Variants in ME1 observed in about 807,000 individuals in gnomAD.
ME1 encodes the protein NADP-dependent malic enzyme.
ME1 carries 74 observed loss-of-function variants against 66.4 expected under a neutral mutation model. The ratio of observed to expected loss-of-function variants is 1.11; its 90% CI spans 0.92 to 1.35. ME1 has a LOEUF of 1.35. ME1 is among the 40% of genes most tolerant of loss of function. The pLI, the probability that ME1 is intolerant of heterozygous loss-of-function variation, is 0.00. For missense variants in ME1, 750 were observed against 694.1 expected, an observed-to-expected ratio of 1.08 and a Z score of -0.90; for synonymous variants, 251 against 235.6, an observed-to-expected ratio of 1.07 and a Z score of -0.60.
intron 5 of ME1, among the ~76,000 whole-genome samples, 160 bp from the exon 6 acceptor site, chr6:83,315,573 A>G (rs1441658764): frequency 6.6e-6 from 1 of 152,254 alleles, no homozygotes. Context: ...GTTACATAGA[A>G]TATACCTGTA....
chr6:83,370,004 G>C (rs1333447581), intron 3 of ME1, among the ~76,000 whole-genome samples: 1 of 151,950 alleles, frequency 6.6e-6, no homozygotes, highest in African/African-American at 2.4e-5. Flanking sequence ...GATATGAAGA[G>C]AAAAAGATAA....
chr6:83,397,778 A>G (rs1267170097), intron 3 of ME1, among the ~76,000 whole-genome samples: 1 of 152,230 alleles, frequency 6.6e-6, no homozygotes, highest in East Asian at 1.9e-4. Context: ...ACACATACAC[A>G]CTAGGATACC....
In ME1 at chr6:83,212,105, G is replaced by T. The variant is rs1789901489; in HGVS notation, c.1549-11C>A. 2 of 1,570,134 alleles carry T rather than the reference G, an allele frequency of 1.3e-6. No homozygotes were observed. The highest frequency in any genetic ancestry group is 1.8e-5 in the Admixed American group (1 of 56,898). Reference sequence around the variant, plus strand: ...TGCATCTTTCACAATCTAGATATAAGAAAAGAATATTAATTATTTTAATAA... The same window carrying T: ...TGCATCTTTCACAATCTAGATATAATAAAAGAATATTAATTATTTTAATAA... On this transcript the variant is annotated splice_polypyrimidine_tract_variant and intron_variant, in intron 13 of 13. Coordinates refer to ENST00000369705, the MANE Select transcript of ME1 (RefSeq NM_002395.6).
intron 1 of ME1, among the ~76,000 whole-genome samples, chr6:83,409,886 A>G (rs1770014500): frequency 6.6e-6 from 1 of 152,198 alleles, no homozygotes; most frequent in Non-Finnish European, 1.5e-5. Flanking sequence ...CTGAAGTTCA[A>G]TTTGTGTGGA....
chr6:83,383,020 C>T (rs192610902), intron 3 of ME1, among the ~76,000 whole-genome samples: 2 of 151,820 alleles, frequency 1.3e-5, no homozygotes, highest in African/African-American at 4.8e-5. Flanking sequence ...TGACCTCCCC[C>T]GAAAAAGAGG....
chr6:83,419,806 G>A (rs1005196908), intron 1 of ME1, among the ~76,000 whole-genome samples: 3 of 152,048 alleles, frequency 2.0e-5, no homozygotes, highest in Non-Finnish European at 2.9e-5. Context: ...AATTGCCTAC[G>A]ACAACATCTA....
At chr6:83,301,221 A>C (rs1360429559) in intron 6 of ME1, among the ~76,000 whole-genome samples, 1 of 151,838 alleles carries the variant, frequency 6.6e-6, no homozygotes, top group African/African-American at 2.4e-5. Flanking sequence ...GGCAAAGGAA[A>C]ACAAATGTCC....
At chr6:83,322,447 A>C (rs1387753043) in intron 5 of ME1, among the ~76,000 whole-genome samples, 2 of 152,164 alleles carry the variant, frequency 1.3e-5, no homozygotes, top group Non-Finnish European at 2.9e-5. Flanking sequence ...TAACCAGATT[A>C]GAGAAGAACA....
intron 3 of ME1, among the ~76,000 whole-genome samples, chr6:83,369,611 C>A (rs1159639619): frequency 1.3e-5 from 2 of 149,236 alleles, no homozygotes; most frequent in South Asian, 4.2e-4. Flanking sequence ...GGGCAACAGA[C>A]AGTGACCTTG....
intron 6 of ME1, among the ~76,000 whole-genome samples, chr6:83,272,415 T>C (rs1258548669): frequency 6.6e-6 from 1 of 152,180 alleles, no homozygotes; most frequent in East Asian, 1.9e-4. Flanking sequence ...AGATAATTTG[T>C]GTGTAACATA....
intron 1 of ME1, among the ~76,000 whole-genome samples, chr6:83,409,414 G>A (rs1049027513): frequency 1.3e-5 from 2 of 152,186 alleles, no homozygotes; most frequent in Non-Finnish European, 2.9e-5. Context: ...CTTATAAAGT[G>A]TATTACTAGA....
chr6:83,326,514 A>C (rs552515072), intron 5 of ME1, among the ~76,000 whole-genome samples: 1 of 138,330 alleles, frequency 7.2e-6, no homozygotes, highest in South Asian at 2.5e-4. Context: ...AATATCCAGA[A>C]TCTACAAGGA....
rs1294562361 is a variant in ME1, at chr6:83,322,085, C to A, written c.601-6672G>T. Among the ~76,000 whole-genome samples the A allele has an allele frequency of 2.0e-5, 3 of 152,174 alleles. No homozygotes were observed. The East Asian group carries it at 5.8e-4, about 29-fold the overall frequency. ...GACTGACTCTTAGAAGGAAAACTAA[C>A]AAACAGAAAGGAAGAGCATGAACAT... On this transcript the variant is annotated intron_variant, in intron 5 of 13. Transcript: ENST00000369705.
chr6:83,429,640 A>G (rs1770443452), intron 1 of ME1, among the ~76,000 whole-genome samples: 1 of 152,278 alleles, frequency 6.6e-6, no homozygotes, highest in Non-Finnish European at 1.5e-5. Flanking sequence ...TAATAATGCT[A>G]CATGACGGCA....
chr6:83,228,178 T>C (rs1044501478), intron 10 of ME1, among the ~76,000 whole-genome samples: 1 of 152,226 alleles, frequency 6.6e-6, no homozygotes, highest in African/African-American at 2.4e-5. Flanking sequence ...ATAAATTCCT[T>C]TGAGTTTTCT....
In ME1 at chr6:83,223,781, A is replaced by G; in HGVS notation, c.1428T>C (p.Asn476=). 1 of 1,613,798 alleles carries G rather than the reference A, an allele frequency of 6.2e-7. No individual in the cohort carries two copies. The highest frequency in any genetic ancestry group is 8.5e-7 in the Non-Finnish European group (1 of 1,179,794). The change falls in exon 12 of 14, where the codon AAT becomes AAC. Residue 476 remains asparagine (N), a synonymous_variant. Coordinates refer to ENST00000369705, the MANE Select transcript of ME1 (RefSeq NM_002395.6). The stretch of plus-strand genomic sequence containing the variant: ...ATACCTCAGCAGTAGTGAGGAAAAT[A>G]TTATCTGTGATCTGCCTCAATCCAC... ...VACGLRQITD[N]IFLTTAEVIA... is the part of the protein sequence containing the mutation.
chr6:83,230,541 A>G (rs990800164), intron 9 of ME1, among the ~76,000 whole-genome samples: 3 of 152,158 alleles, frequency 2.0e-5, no homozygotes, highest in African/African-American at 7.2e-5. Context: ...TTATAGTAAG[A>G]GCTCTATGCT....
At chr6:83,310,688 T>C (rs1767913419) in intron 6 of ME1, among the ~76,000 whole-genome samples, 1 of 151,980 alleles carries the variant, frequency 6.6e-6, no homozygotes, top group African/African-American at 2.4e-5. Context: ...TTAGCTAGAA[T>C]GATATTTCAG....
At chr6:83,250,958 G>A (rs1206777797) in intron 7 of ME1, among the ~76,000 whole-genome samples, 1 of 152,194 alleles carries the variant, frequency 6.6e-6, no homozygotes, top group East Asian at 1.9e-4. Context: ...AAACAAGTGG[G>A]CATGGCTTTG....
Sources: gnomAD v4.1 joint callset for allele counts (sites outside exome capture counted in the v4.1 genomes callset) on GRCh38, gnomAD v4.1.1 for gene constraint, MANE v1.5 for transcripts, NCBI Gene and HGNC (gene_info 2026-07-23, HGNC 2026-07-21) for gene names.